RANBP3: variants seen among roughly 807,000 people sequenced by gnomAD.
RANBP3 encodes ran-binding protein 3.
A neutral mutation model predicts 77.3 loss-of-function variants in RANBP3; 14 were observed. That is an observed-to-expected ratio of 0.18 (90% CI 0.12 to 0.28). RANBP3 has a LOEUF of 0.28. RANBP3 is among the 10% of genes least tolerant of loss of function. The pLI is 1.00. For synonymous variants in RANBP3, 315 were observed against 312.4 expected (o/e 1.01, Z -0.09); for missense variants, 586 against 752.3 (o/e 0.78, Z 2.59).
chr19:5,952,172 G>A lies in RANBP3; in HGVS notation c.79-576C>T, dbSNP rs1045353591. Among the ~76,000 whole-genome samples the A allele has an allele frequency of 6.6e-6, 1 of 152,188 alleles. No individual in the cohort carries two copies. The highest frequency in any genetic ancestry group is 2.4e-5 in the African/African-American group (1 of 41,444). On this transcript the variant is annotated intron_variant, in intron 2 of 16. Coordinates refer to ENST00000340578, the MANE Select transcript of RANBP3 (RefSeq NM_007322.3). This position sits in a 1 kb window ranked among gnomAD's most constrained non-coding sequence, Gnocchi z 4.1. The stretch of plus-strand genomic sequence containing the variant: ...TCTGCTTACACCCAGGATCCAGAAA[G>A]TGCTTTCCCACCTCGGTGAGTGCAA...
chr19:5,931,666 T>C, intron 7 of RANBP3, 135 bp from the exon 8 acceptor site: 1 of 885,590 alleles, frequency 1.1e-6, no homozygotes, highest in East Asian at 2.9e-5. Context: ...TGTCTCCTTT[T>C]TAAGGAAGGA....
rs771544931 is a variant in RANBP3, at chr19:5,932,465, C to T, written c.552G>A (p.Ala184=). The change falls in exon 7 of 17, where the codon GCG becomes GCA. Residue 184 remains alanine (A), a synonymous_variant. Transcript: ENST00000340578. ...GCTGTTTCTTACCAGTCTGGGACAG[C>T]GCCTTTGGCTGCGGAGCTTGTAACA... is the stretch of plus-strand genomic sequence containing the variant. ...PAVLQAPQPK[A]LSQTVPSSGT... The T allele has an allele frequency of 2.5e-6, 4 of 1,613,694 alleles. No homozygotes were observed. The highest frequency in any genetic ancestry group is 1.1e-5 in the South Asian group (1 of 91,084).
At position 5,931,491 on chromosome 19, in the gene RANBP3, G is replaced by T. The variant is rs556140706; in HGVS notation, c.606C>A (p.Asp202Glu). The change falls in exon 8 of 17, where the codon GAC (aspartate) becomes GAA (glutamate). Residue 202 changes from aspartate to glutamate, a missense_variant. This residue lies in a region of RANBP3 where 232 missense variants were observed against 271.7 expected (regional missense o/e 0.85). Coordinates refer to ENST00000340578, the MANE Select transcript of RANBP3 (RefSeq NM_007322.3). ...ATGCTGCGGGCACTGCCCCCGTGCA[G>T]TCTGCTGGGAGGCTGACCCCGTTGG... ...SGTNGVSLPA[D>E]CTGAVPAASP... 5 of 1,612,756 alleles carry T rather than the reference G, an allele frequency of 3.1e-6. No individual in the cohort carries two copies. In the African/African-American group the frequency reaches 6.7e-5, roughly 21 times the overall value.
chr19:5,917,824 C>T lies in RANBP3; in HGVS notation c.1630G>A (p.Val544Ile). ...GCGGTGGCCCCTGAAGGAGCCAGGA[C>T]ATCGTCATCGTCGCTGTCGTCCTCC... ...NEEDDSDDDD[V>I]LAPSGATAAG... Residue 544 changes from valine (V) to isoleucine (I), a missense_variant, in exon 16 of 17, where the codon GTC (valine) becomes ATC (isoleucine). This residue lies in a region of RANBP3 where 128 missense variants were observed against 157.0 expected (regional missense o/e 0.82). Transcript: ENST00000340578. 6.2e-7 allele frequency: 1 copy of T among 1,611,972 alleles called. No homozygotes were observed. The highest frequency in any genetic ancestry group is 8.5e-7 in the Non-Finnish European group (1 of 1,179,500).
At chr19:5,965,546 G>GC (rs1341421065) in intron 1 of RANBP3, among the ~76,000 whole-genome samples, 1 of 152,170 alleles carries the variant, frequency 6.6e-6, no homozygotes, top group African/African-American at 2.4e-5. Context: ...GTGCTGTAGA[G>GC]CCCCTTGGGA....
chr19:5,969,278 C>T (rs2058503590), intron 1 of RANBP3, among the ~76,000 whole-genome samples: 1 of 152,224 alleles, frequency 6.6e-6, no homozygotes, highest in Non-Finnish European at 1.5e-5. Flanking sequence ...CTCCTCTGAG[C>T]AGAGGGTAAC....
chr19:5,955,059 TA>T (rs1230411291), intron 2 of RANBP3, among the ~76,000 whole-genome samples: 1 of 152,264 alleles, frequency 6.6e-6, no homozygotes, highest in Non-Finnish European at 1.5e-5. Context: ...CAGTTATTTT[TA>T]GAAGTCCATT....
intron 12 of RANBP3, 130 bp from the exon 13 acceptor site, chr19:5,923,433 C>G (rs2057854216): frequency 1.2e-6 from 1 of 845,164 alleles, no homozygotes; most frequent in African/African-American, 1.7e-5. Context: ...CAGGCCTGCC[C>G]CGGCAACCCA....
intron 2 of RANBP3, among the ~76,000 whole-genome samples, chr19:5,953,870 G>A (rs1162658571): frequency 1.3e-5 from 2 of 152,112 alleles, no homozygotes; most frequent in East Asian, 1.9e-4. Flanking sequence ...TAGGCCCTAG[G>A]ACTACAATTA....
In RANBP3 at chr19:5,978,098, C is replaced by T; in HGVS notation, c.-16G>A. On this transcript the variant is annotated 5_prime_UTR_variant, in exon 1 of 17. Transcript: ENST00000340578. ...GGTCCGCCATTTTACTTCCTTAAGC[C>T]CTCCCACAAGGCCCCGCGCCGGCCC... The T allele has an allele frequency of 1.2e-6, 2 of 1,608,552 alleles. No homozygotes were observed. The highest frequency in any genetic ancestry group is 1.7e-6 in the Non-Finnish European group (2 of 1,177,830).
At chr19:5,966,006 T>C (rs1238740310) in intron 1 of RANBP3, 2 of 152,206 alleles carry the variant, frequency 1.3e-5, no homozygotes, top group African/African-American at 4.8e-5. Context: ...GGGCCGACTC[T>C]GAAGCCCCGG....
In RANBP3 at chr19:5,941,784, T is replaced by C. The variant is rs769846376; in HGVS notation, c.319+15A>G. The C allele has an allele frequency of 1.9e-6, 3 of 1,612,268 alleles. No homozygotes were observed. Among genetic ancestry groups the C allele is most frequent in the African/African-American group, 2.7e-5 (2 of 74,952 alleles). ...TAAAACTGAAGATGGTCAAAGGTGT[T>C]AGAGAGCTCCTTACCTTCTCCGCCT... is the stretch of plus-strand genomic sequence containing the variant. On this transcript the variant is annotated intron_variant, in intron 4 of 16. Transcript: ENST00000340578.
Position 5,932,491 on chromosome 19 carries a change from C to G in RANBP3, c.526G>C (p.Val176Leu). Residue 176 changes from valine (V) to leucine (L), a missense_variant, in exon 7 of 17, where the codon GTG becomes CTG. Val to Leu is a conservative substitution (Grantham distance 32). Coordinates refer to ENST00000340578, the MANE Select transcript of RANBP3 (RefSeq NM_007322.3). The stretch of plus-strand genomic sequence containing the variant: ...GCCTTTGGCTGCGGAGCTTGTAACA[C>G]TGCCGGGCGAAGCACGCTCCGCTGC... ...EQQRSVLRPA[V>L]LQAPQPKALS... 3 of 1,613,906 alleles carry G rather than the reference C, an allele frequency of 1.9e-6. No homozygotes were observed. The highest frequency in any genetic ancestry group is 2.5e-6 in the Non-Finnish European group (3 of 1,180,024).
intron 1 of RANBP3, among the ~76,000 whole-genome samples, chr19:5,967,097 C>T (rs373327026): frequency 7.9e-5 from 12 of 152,308 alleles, no homozygotes; most frequent in East Asian, 3.9e-4. Context: ...TTCTTTGGTA[C>T]GGAATGGAAC....
At chr19:5,939,737 C>G (rs186709080) in intron 5 of RANBP3, among the ~76,000 whole-genome samples, 1 of 138,114 alleles carries the variant, frequency 7.2e-6, no homozygotes, top group Admixed American at 7.5e-5. Flanking sequence ...GGCATTCAGT[C>G]TTTCCCGAGA....
chr19:5,925,035 T>TGGC, intron 10 of RANBP3, 130 bp from the exon 11 acceptor site: 1 of 834,158 alleles, frequency 1.2e-6, no homozygotes, highest in Non-Finnish European at 2.0e-6. Flanking sequence ...GTGCACGGGG[T>TGGC]GGCGTGTCAG....
At position 5,959,528 on chromosome 19, in the gene RANBP3, C is replaced by T. The variant is rs995725077; in HGVS notation, c.23-1555G>A. Among the ~76,000 whole-genome samples, 4 of 151,980 alleles carry T rather than the reference C, an allele frequency of 2.6e-5. No homozygotes were observed. The highest frequency in any genetic ancestry group is 1.3e-4 in the Admixed American group (2 of 15,266). ...CCAAGGCAAACACTGGAGTGAGTGGCGTGCGCGAGACCCAGGGGCTACAAG... is the reference window on the plus strand; with the variant it reads ...CCAAGGCAAACACTGGAGTGAGTGGTGTGCGCGAGACCCAGGGGCTACAAG... On this transcript the variant is annotated intron_variant, in intron 1 of 16. Transcript: ENST00000340578. The surrounding 1 kb of genome is among the most constrained non-coding windows in gnomAD (Gnocchi z 5.1).
chr19:5,928,111 G>C lies in RANBP3; in HGVS notation c.694-24C>G, dbSNP rs180930796. Reference sequence around the variant, plus strand: ...TCCTATCAAAAACCAAAACAAAACAGAGTAATCAAAACCAGTGCCACACTT... The same window carrying C: ...TCCTATCAAAAACCAAAACAAAACACAGTAATCAAAACCAGTGCCACACTT... On this transcript the variant is annotated intron_variant, in intron 8 of 16. Transcript: ENST00000340578. 3.0e-4 allele frequency: 473 copies of C among 1,602,788 alleles called. 1 individual carries two copies. Among genetic ancestry groups the C allele is most frequent in the Admixed American group, 6.6e-4 (38 of 57,278 alleles).
At chr19:5,922,976 A>G (rs1004873234) in intron 13 of RANBP3, among the ~76,000 whole-genome samples, 2 of 152,226 alleles carry the variant, frequency 1.3e-5, no homozygotes, top group African/African-American at 4.8e-5. Flanking sequence ...TGTCTCAAAC[A>G]GATCCTCCTC....
Sources: allele counts gnomAD v4.1 joint callset (sites outside exome capture counted in the v4.1 genomes callset), GRCh38; gene constraint gnomAD v4.1.1; regional missense constraint gnomAD v4.1.1; non-coding constraint Gnocchi (gnomAD v3.1); transcripts MANE v1.5; gene names NCBI Gene and HGNC (gene_info 2026-07-23, HGNC 2026-07-21).